Variants in TMTC4 observed in about 807,000 individuals in gnomAD.
TMTC4 encodes transmembrane O-mannosyltransferase targeting cadherins 4.
A neutral mutation model predicts 86.0 loss-of-function variants in TMTC4; 65 were observed. The observed-to-expected ratio is 0.76, with a 90% CI of 0.62 to 0.93. TMTC4 has a LOEUF of 0.93. Ranked by LOEUF, TMTC4 falls within the 40% of genes least tolerant of loss-of-function variation. TMTC4 has a pLI of 0.00. For missense variants in TMTC4, 866 were observed against 948.1 expected, an observed-to-expected ratio of 0.91 and a Z score of 1.14; for synonymous variants, 379 against 382.5, an observed-to-expected ratio of 0.99 and a Z score of 0.11.
intron 5 of TMTC4, among the ~76,000 whole-genome samples, chr13:100,659,713 GGTGGT>G (rs1278000600): frequency 6.6e-6 from 1 of 151,266 alleles, no homozygotes; most frequent in Non-Finnish European, 1.5e-5. Flanking sequence ...AGCAATGTGC[GGTGGT>G]TCATTAGAAA....
rs763830955 is a variant in TMTC4, at chr13:100,605,114, T to C, written c.2163A>G (p.Leu721=). 8.7e-6 allele frequency: 14 copies of C among 1,613,004 alleles called. No homozygotes were observed. In the South Asian group the frequency reaches 1.5e-4, roughly 18 times the overall value. The change falls in exon 19 of 19, where the codon CTA becomes CTG. Residue 721 remains leucine (L), a synonymous_variant. Transcript: ENST00000342624. This position sits in a 1 kb window ranked among gnomAD's most constrained non-coding sequence, Gnocchi z 4.3. ...LAVLYHRWGH[L]DLAKKHYEIS... ...TTTCATAGTGTTTCTTGGCCAAGTC[T>C]AGATGTCCCCAACGATGATAAAGCA...
chr13:100,631,007 T>C (rs555211519), intron 12 of TMTC4, among the ~76,000 whole-genome samples: 2 of 152,330 alleles, frequency 1.3e-5, no homozygotes, highest in East Asian at 3.9e-4. Context: ...CTGCCTAGAT[T>C]GCAAAACAAA....
intron 5 of TMTC4, among the ~76,000 whole-genome samples, chr13:100,661,277 G>C (rs990333839): frequency 4.6e-5 from 7 of 152,222 alleles, no homozygotes; most frequent in African/African-American, 1.7e-4. Flanking sequence ...GTGCGTGTGT[G>C]TGAGAGAGAA....
intron 1 of TMTC4, among the ~76,000 whole-genome samples, chr13:100,671,085 TAG>T (rs1228103949): frequency 1.3e-5 from 2 of 152,224 alleles, no homozygotes; most frequent in Non-Finnish European, 2.9e-5. Context: ...AAATGCACAA[TAG>T]AGTCATGAGC....
intron 4 of TMTC4, 82 bp from the exon 5 acceptor site, chr13:100,663,262 G>C: frequency 8.1e-7 from 1 of 1,232,638 alleles, no homozygotes; most frequent in Non-Finnish European, 1.2e-6. Context: ...GAAGGCTTGT[G>C]TGTGGAAATA....
chr13:100,647,790 T>C (rs1883943349), intron 6 of TMTC4, among the ~76,000 whole-genome samples: 1 of 152,234 alleles, frequency 6.6e-6, no homozygotes, highest in African/African-American at 2.4e-5. Context: ...ATAAGAATTC[T>C]AGATAGTCCT....
rs1275776795 is a variant in TMTC4, at chr13:100,674,207, C to A, written c.-208+537G>T. On this transcript the variant is annotated intron_variant, in intron 1 of 18. Coordinates refer to ENST00000342624, the MANE Select transcript of TMTC4 (RefSeq NM_032813.5). ...CGGTGGCCCCGCGCTCGCGCCGCTC[C>A]GCTCCGCAGCCGAGCGTGGAGTAGC... 10 of 981,798 alleles carry A rather than the reference C, an allele frequency of 1.0e-5. No individual in the cohort carries two copies. In the African/African-American group the frequency reaches 1.8e-4, roughly 17 times the overall value. 60.8% of individuals were successfully genotyped at this position (981,798 alleles called of 1,614,324 possible).
chr13:100,657,533 C>CG (rs11435183), intron 5 of TMTC4, among the ~76,000 whole-genome samples: 108,376 of 152,038 alleles, frequency 0.71, 39,644 homozygotes, highest in East Asian at 0.98. Context: ...CAATGTTGTA[C>CG]GTGATGAAAG....
At chr13:100,619,408 C>A (rs1358624493) in intron 15 of TMTC4, among the ~76,000 whole-genome samples, 2 of 151,526 alleles carry the variant, frequency 1.3e-5, no homozygotes, top group African/African-American at 4.9e-5. Flanking sequence ...ACCCTGTTGC[C>A]CTCTTATCTC....
At chr13:100,621,527 G>A (rs528185175) in intron 15 of TMTC4, among the ~76,000 whole-genome samples, 58 of 152,254 alleles carry the variant, frequency 3.8e-4, no homozygotes, top group Admixed American at 1.6e-3. Context: ...CCGGGTTCAC[G>A]CCATTCTCCT....
rs994862419 is a variant in TMTC4 at position 100,605,274 on chromosome 13, T to A, written c.2135-132A>T. 1.8e-5 allele frequency: 19 copies of A among 1,069,304 alleles called. No individual in the cohort carries two copies. Among genetic ancestry groups the A allele is most frequent in the Non-Finnish European group, 2.4e-5 (18 of 753,296 alleles). The allele number at this position is 1,069,304 out of a possible 1,614,324, so 66.2% of individuals were successfully genotyped here. On this transcript the variant is annotated intron_variant, in intron 18 of 18. Coordinates refer to ENST00000342624, the MANE Select transcript of TMTC4 (RefSeq NM_032813.5). This position sits in a 1 kb window ranked among gnomAD's most constrained non-coding sequence, Gnocchi z 4.3. ...AAAAGTCAATTGTATGAAACAATATTGTTTGTACTGAAAACTCTATTTATT... is the reference window on the plus strand; with the variant it reads ...AAAAGTCAATTGTATGAAACAATATAGTTTGTACTGAAAACTCTATTTATT...
upstream of TMTC4, chr13:100,674,824 G>C: frequency 1.0e-6 from 1 of 977,094 alleles, no homozygotes; most frequent in Non-Finnish European, 1.2e-6. Context: ...CCCGGACCTG[G>C]CAGGGGGAGG....
At position 100,612,398 on chromosome 13, in the gene TMTC4, C is replaced by T. The variant is rs1409004671; in HGVS notation, c.2064G>A (p.Lys688=). 6.2e-7 allele frequency: 1 copy of T among 1,604,994 alleles called. No individual in the cohort carries two copies. The highest frequency in any genetic ancestry group is 1.7e-5 in the Admixed American group (1 of 57,978). Residue 688 remains lysine (K), a splice_region_variant and synonymous_variant, in exon 17 of 19, where the codon AAG becomes AAA. Coordinates refer to ENST00000342624, the MANE Select transcript of TMTC4 (RefSeq NM_032813.5). Reference sequence around the variant, plus strand: ...AACTCACAGCCTGCGGTTTACGCACCTTGTATTTCTGGGATTTCCCCAGCA... The same window carrying T: ...AACTCACAGCCTGCGGTTTACGCACTTTGTATTTCTGGGATTTCCCCAGCA... ...ANVLGKSQKY[K]ESEALFLKAI...
chr13:100,627,566 C>T (rs568103208), intron 12 of TMTC4, among the ~76,000 whole-genome samples: 1 of 152,274 alleles, frequency 6.6e-6, no homozygotes, highest in Non-Finnish European at 1.5e-5. Context: ...TTGTCTGTCT[C>T]CCTGTCTCTT....
intron 15 of TMTC4, among the ~76,000 whole-genome samples, chr13:100,619,451 G>A (rs1357996984): frequency 6.6e-6 from 1 of 151,530 alleles, no homozygotes; most frequent in African/African-American, 2.4e-5. Context: ...GAGTGTACTT[G>A]ATCCCTTTAA....
chr13:100,662,825 T>C, intron 5 of TMTC4, 139 bp downstream of exon 5: 1 of 799,294 alleles, frequency 1.3e-6, no homozygotes, highest in Non-Finnish European at 2.1e-6. Context: ...ATTTCTAGAG[T>C]ATGTTGTGGA....
intron 15 of TMTC4, among the ~76,000 whole-genome samples, chr13:100,623,362 A>G (rs1240201046): frequency 6.6e-6 from 1 of 152,244 alleles, no homozygotes; most frequent in Non-Finnish European, 1.5e-5. Flanking sequence ...CCTCCCCAGC[A>G]GCTGGGATTA....
At chr13:100,639,649 C>T (rs1882755856) in intron 7 of TMTC4, among the ~76,000 whole-genome samples, 1 of 152,154 alleles carries the variant, frequency 6.6e-6, no homozygotes, top group Admixed American at 6.5e-5. Flanking sequence ...TGAAAAACGG[C>T]ACAGAGGAGG....
intron 15 of TMTC4, among the ~76,000 whole-genome samples, chr13:100,619,101 C>T (rs375913680): frequency 1.6e-4 from 24 of 148,288 alleles, no homozygotes; most frequent in African/African-American, 4.8e-4. Context: ...CCGGACGGGG[C>T]GGCTGGCCGG....
Sources: allele counts gnomAD v4.1 joint callset (sites outside exome capture counted in the v4.1 genomes callset), GRCh38; gene constraint gnomAD v4.1.1; non-coding constraint Gnocchi (gnomAD v3.1); transcripts MANE v1.5; gene names NCBI Gene and HGNC (gene_info 2026-07-23, HGNC 2026-07-21).